TWSG1: variants seen among roughly 807,000 people sequenced by gnomAD.
TWSG1 encodes twisted gastrulation BMP signaling modulator 1, also known as twisted gastrulation protein homolog 1.
In TWSG1, 15 loss-of-function variants were observed where a neutral mutation model predicts 23.0. The ratio of observed to expected loss-of-function variants is 0.65; its 90% CI spans 0.44 to 1.00. TWSG1 has a LOEUF of 1.00. Ranked by LOEUF, TWSG1 falls within the 50% of genes least tolerant of loss-of-function variation. TWSG1 has a pLI of 0.00. For missense variants in TWSG1, 242 were observed against 278.7 expected, an observed-to-expected ratio of 0.87 and a Z score of 0.94; for synonymous variants, 86 against 92.8, an observed-to-expected ratio of 0.93 and a Z score of 0.42.
At chr18:9,348,011 G>A (rs1260877874) in intron 2 of TWSG1, among the ~76,000 whole-genome samples, 1 of 151,808 alleles carries the variant, frequency 6.6e-6, no homozygotes, top group Non-Finnish European at 1.5e-5. Flanking sequence ...CATTTCTTTG[G>A]TTGTCAATAT....
chr18:9,382,332 G>A (rs2040660839), intron 3 of TWSG1, among the ~76,000 whole-genome samples: 1 of 152,044 alleles, frequency 6.6e-6, no homozygotes, highest in East Asian at 1.9e-4. Context: ...AGACCAGCTT[G>A]GCCAACATGG....
chr18:9,398,970 T>A (rs1444202511), intron 4 of TWSG1, among the ~76,000 whole-genome samples: 1 of 151,234 alleles, frequency 6.6e-6, no homozygotes, highest in Non-Finnish European at 1.5e-5. Context: ...ATCACACCAC[T>A]GCACTCCAGC....
intron 3 of TWSG1, among the ~76,000 whole-genome samples, chr18:9,393,032 C>T (rs529010070): frequency 1.3e-5 from 2 of 152,244 alleles, no homozygotes; most frequent in South Asian, 2.1e-4. Context: ...AATCACAGAT[C>T]GCCATAACTG....
intron 3 of TWSG1, among the ~76,000 whole-genome samples, chr18:9,384,491 A>G (rs2040673020): frequency 1.3e-5 from 2 of 152,232 alleles, no homozygotes. Context: ...CTAAATTCAC[A>G]TATTTTCTTC....
intron 1 of TWSG1, among the ~76,000 whole-genome samples, chr18:9,336,633 A>G (rs1043236449): frequency 2.0e-5 from 3 of 152,138 alleles, no homozygotes; most frequent in Non-Finnish European, 2.9e-5. Context: ...TACAATATTA[A>G]TAGTTTTATA....
At chr18:9,381,232 G>A (rs897993583) in intron 3 of TWSG1, among the ~76,000 whole-genome samples, 6 of 152,254 alleles carry the variant, frequency 3.9e-5, no homozygotes, top group East Asian at 3.9e-4. Context: ...ACATTTTGCC[G>A]TAGCGATATA....
chr18:9,342,061 T>A (rs1203487696), intron 2 of TWSG1, among the ~76,000 whole-genome samples: 1 of 152,212 alleles, frequency 6.6e-6, no homozygotes, highest in Non-Finnish European at 1.5e-5. Flanking sequence ...TCAAAATCTG[T>A]GGGGAACGGA....
At chr18:9,357,644 G>T (rs1328872518) in intron 2 of TWSG1, among the ~76,000 whole-genome samples, 4 of 152,304 alleles carry the variant, frequency 2.6e-5, no homozygotes, top group Middle Eastern at 3.4e-3. Context: ...TTAGGTCTCA[G>T]ATTTTTAAAA....
At chr18:9,356,384 C>G (rs1422465128) in intron 2 of TWSG1, among the ~76,000 whole-genome samples, 1 of 152,116 alleles carries the variant, frequency 6.6e-6, no homozygotes, top group Non-Finnish European at 1.5e-5. Context: ...TCATTCTCAC[C>G]CACCTTTTCA....
intron 3 of TWSG1, among the ~76,000 whole-genome samples, chr18:9,386,859 A>G (rs1018057024): frequency 1.7e-4 from 26 of 152,246 alleles, no homozygotes; most frequent in East Asian, 1.9e-4. Context: ...CACTGGGCCA[A>G]TGACTTAAGT....
At chr18:9,359,861 TGAA>T (rs1267586595) in intron 2 of TWSG1, 108 bp from the exon 3 acceptor site, 6 of 664,938 alleles carry the variant, frequency 9.0e-6, no homozygotes, top group Non-Finnish European at 1.3e-5. Flanking sequence ...AAAAATTATG[TGAA>T]GAATACATTA....
At chr18:9,347,590 A>T (rs1054002084) in intron 2 of TWSG1, among the ~76,000 whole-genome samples, 2 of 151,696 alleles carry the variant, frequency 1.3e-5, no homozygotes, top group Admixed American at 1.3e-4. Context: ...ATTCTTTTTG[A>T]TGCTATTGTT....
intron 3 of TWSG1, among the ~76,000 whole-genome samples, chr18:9,385,499 T>C (rs2145628292): frequency 2.0e-5 from 2 of 102,252 alleles, no homozygotes; most frequent in African/African-American, 9.1e-5. Flanking sequence ...CCATCCTGGC[T>C]AACAAGGTGA....
intron 3 of TWSG1, among the ~76,000 whole-genome samples, chr18:9,368,486 C>T (rs2040589771): frequency 6.6e-6 from 1 of 151,792 alleles, no homozygotes; most frequent in Non-Finnish European, 1.5e-5. Context: ...CAGGCATGAG[C>T]CATCACACCT....
chr18:9,363,793 T>C lies in TWSG1; in HGVS notation c.223+3722T>C, dbSNP rs571113103. On this transcript the variant is annotated intron_variant, in intron 3 of 4. Transcript: ENST00000262120. ...GACACACGCCACCATATCTAGATAC[T>C]TTTTTGTATTTTTTTGTACAGATGG... Among the ~76,000 whole-genome samples, 1,451 of 147,586 alleles carry C rather than the reference T, an allele frequency of 9.8e-3. 12 individuals are homozygous for C. The highest frequency in any genetic ancestry group is 0.011 in the Non-Finnish European group (748 of 67,240).
intron 3 of TWSG1, among the ~76,000 whole-genome samples, chr18:9,382,488 A>T (rs1175083998): frequency 6.6e-6 from 1 of 151,242 alleles, no homozygotes; most frequent in Non-Finnish European, 1.5e-5. Context: ...GGGCCACTGC[A>T]CTCCAGCCTA....
At chr18:9,359,474 A>G (rs1173615200) in intron 2 of TWSG1, among the ~76,000 whole-genome samples, 1 of 152,230 alleles carries the variant, frequency 6.6e-6, no homozygotes, top group African/African-American at 2.4e-5. Context: ...GGGGAGACCT[A>G]GAGAGGGGAA....
At chr18:9,339,934 A>T (rs1382150988) in intron 2 of TWSG1, among the ~76,000 whole-genome samples, 1 of 152,186 alleles carries the variant, frequency 6.6e-6, no homozygotes, top group East Asian at 1.9e-4. Flanking sequence ...ATCAGCTAGG[A>T]CGTATTTTCA....
chr18:9,342,022 G>T (rs2040448536), intron 2 of TWSG1, among the ~76,000 whole-genome samples: 1 of 152,062 alleles, frequency 6.6e-6, no homozygotes, highest in Non-Finnish European at 1.5e-5. Flanking sequence ...CATTCTGATG[G>T]GCTACTTTTG....
Sources: allele counts gnomAD v4.1 joint callset (sites outside exome capture counted in the v4.1 genomes callset), GRCh38; gene constraint gnomAD v4.1.1; transcripts MANE v1.5; gene names NCBI Gene and HGNC (gene_info 2026-07-23, HGNC 2026-07-21).